Variants in FAM178B observed in about 807,000 individuals in gnomAD.
FAM178B encodes the protein protein FAM178B.
In FAM178B, 82 loss-of-function variants were observed where a neutral mutation model predicts 91.7. The ratio of observed to expected loss-of-function variants is 0.89; its 90% CI spans 0.75 to 1.07. The LOEUF is 1.07. FAM178B is among the 50% of genes least tolerant of loss of function. The pLI, the probability that FAM178B is intolerant of heterozygous loss-of-function variation, is 0.00. For missense variants in FAM178B, 769 were observed against 846.7 expected, an observed-to-expected ratio of 0.91 and a Z score of 1.14; for synonymous variants, 368 against 359.4, an observed-to-expected ratio of 1.02 and a Z score of -0.27.
At chr2:96,986,150 G>T in intron 1 of FAM178B, 91 bp downstream of exon 1, 2 of 1,523,560 alleles carry the variant, frequency 1.3e-6, no homozygotes, top group South Asian at 2.4e-5. Context: ...TGACCTGCAA[G>T]GCCTGGACCA....
chr2:96,954,279 G>A (rs2081968316), intron 6 of FAM178B, among the ~76,000 whole-genome samples: 1 of 152,250 alleles, frequency 6.6e-6, no homozygotes, highest in Non-Finnish European at 1.5e-5. Context: ...TGAGGAGGGA[G>A]CTGCTAATCC....
chr2:96,959,500 T>A (rs908202414), intron 6 of FAM178B, among the ~76,000 whole-genome samples: 29 of 152,192 alleles, frequency 1.9e-4, no homozygotes, highest in Admixed American at 1.7e-3. Flanking sequence ...AGCAAGACTC[T>A]GGCATTCAAG....
intron 14 of FAM178B, among the ~76,000 whole-genome samples, chr2:96,885,769 C>A (rs1400968370): frequency 6.6e-6 from 1 of 152,004 alleles, no homozygotes; most frequent in East Asian, 1.9e-4. Flanking sequence ...CCAGCTGGGA[C>A]CAGAGACCTT....
Position 96,878,447 on chromosome 2 carries a change from A to G in FAM178B, c.1823T>C (p.Val608Ala). ...HSLLMLAGVV[V>A]SCQDITPDQW... ...GTCTGGAGTGATGTCCTGGCAGCTAACAACTACCCCGGCCAGCATCAGCAA... is the reference window on the plus strand; with the variant it reads ...GTCTGGAGTGATGTCCTGGCAGCTAGCAACTACCCCGGCCAGCATCAGCAA... The change falls in exon 15 of 17, where the codon GTT (valine) becomes GCT (alanine). Residue 608 changes from valine to alanine, a missense_variant. Coordinates refer to ENST00000490605, the MANE Select transcript of FAM178B (RefSeq NM_001122646.3). 2 of 1,613,990 alleles carry G rather than the reference A, an allele frequency of 1.2e-6. No homozygotes were observed. The highest frequency in any genetic ancestry group is 1.7e-6 in the Non-Finnish European group (2 of 1,180,010).
intron 5 of FAM178B, among the ~76,000 whole-genome samples, chr2:96,965,157 G>A (rs1048207507): frequency 5.9e-5 from 9 of 151,634 alleles, no homozygotes; most frequent in Non-Finnish European, 1.0e-4. Context: ...GCGTCACCAC[G>A]CCCAGCTAAT....
chr2:96,986,543 G>C lies in FAM178B; in HGVS notation c.-230C>G. 2 of 526,654 alleles carry C rather than the reference G, an allele frequency of 3.8e-6. No homozygotes were observed. The highest frequency in any genetic ancestry group is 4.4e-5 in the South Asian group (2 of 45,664). The allele number at this position is 526,654 out of a possible 1,614,324, so 32.6% of individuals were successfully genotyped here. A position where few individuals can be genotyped will look rare whatever the true frequency, so the allele number is the denominator to read the frequency against. ...CAAACCAAGCGGCCAGCTCACAGCCGCCGCCGCCGCCAGCTGGGGAGCTCG... is the reference window on the plus strand; with the variant it reads ...CAAACCAAGCGGCCAGCTCACAGCCCCCGCCGCCGCCAGCTGGGGAGCTCG... On this transcript the variant is annotated 5_prime_UTR_variant, in exon 1 of 17. Transcript: ENST00000490605.
At chr2:96,902,832 G>C (rs1188167483) in intron 12 of FAM178B, 125 bp from the exon 13 acceptor site, 2 of 668,646 alleles carry the variant, frequency 3.0e-6, no homozygotes, top group Non-Finnish European at 5.6e-6. Flanking sequence ...CCCCAGCAAA[G>C]GGCTTTCTCC....
At chr2:96,902,451 C>T (rs1197484704) in intron 13 of FAM178B, among the ~76,000 whole-genome samples, 169 bp downstream of exon 13, 1 of 152,258 alleles carries the variant, frequency 6.6e-6, no homozygotes, top group Non-Finnish European at 1.5e-5. Context: ...GCTCTGTCCT[C>T]AGCGCCTAGC....
intron 10 of FAM178B, among the ~76,000 whole-genome samples, chr2:96,922,899 C>A (rs1251755528): frequency 2.6e-5 from 4 of 152,102 alleles, no homozygotes; most frequent in Non-Finnish European, 5.9e-5. Flanking sequence ...GTCTCGAACT[C>A]CTGACCTCAG....
chr2:96,930,425 C>T lies in FAM178B; in HGVS notation c.1079-1105G>A, dbSNP rs77250097. Among the ~76,000 whole-genome samples the T allele has an allele frequency of 5.3e-3, 814 of 152,204 alleles. 57 individuals are homozygous for T. In the East Asian group the frequency reaches 0.12, roughly 23 times the overall value. Reference sequence around the variant, plus strand: ...CCTCCTGCCCCATGTGTTCTCTGCACCGTGAGCTCCCACACCTCATCCAGG... The same window carrying T: ...CCTCCTGCCCCATGTGTTCTCTGCATCGTGAGCTCCCACACCTCATCCAGG... On this transcript the variant is annotated intron_variant, in intron 8 of 16. Transcript: ENST00000490605.
Position 96,986,458 on chromosome 2 carries a change from A to T in FAM178B, c.-145T>A. The T allele has an allele frequency of 1.1e-6, 1 of 947,434 alleles. No individual in the cohort carries two copies. Among genetic ancestry groups the T allele is most frequent in the Non-Finnish European group, 1.5e-6 (1 of 658,054 alleles). The allele number at this position is 947,434 out of a possible 1,614,324, so 58.7% of individuals were successfully genotyped here. The stretch of plus-strand genomic sequence containing the variant: ...GGAGGACCCCAAGAGTTGCGTCCCT[A>T]GATCCAGGGCCGCCAACGTGGAACC... On this transcript the variant is annotated 5_prime_UTR_variant, in exon 1 of 17. Transcript: ENST00000490605.
chr2:96,922,302 A>T (rs2081355119), intron 10 of FAM178B, among the ~76,000 whole-genome samples: 2 of 152,204 alleles, frequency 1.3e-5, no homozygotes, highest in South Asian at 4.1e-4. Flanking sequence ...TAAAAATACT[A>T]CACCAGCAGC....
chr2:96,936,112 G>A (rs1282005908), intron 8 of FAM178B, among the ~76,000 whole-genome samples: 1 of 152,004 alleles, frequency 6.6e-6, no homozygotes, highest in Non-Finnish European at 1.5e-5. Context: ...TTCTGATCAA[G>A]TTTTCTGTAA....
At chr2:96,904,519 G>A (rs1381665773) in intron 12 of FAM178B, among the ~76,000 whole-genome samples, 1 of 148,436 alleles carries the variant, frequency 6.7e-6, no homozygotes, top group East Asian at 2.0e-4. Context: ...CTACAGTCAC[G>A]CACGCGCCAC....
rs915125276 is a variant in FAM178B at position 96,960,285 on chromosome 2, T to C, written c.887+3A>G. The C allele has an allele frequency of 7.1e-6, 11 of 1,551,504 alleles. No individual in the cohort carries two copies. The highest frequency in any genetic ancestry group is 2.0e-5 in the Admixed American group (1 of 50,984). On this transcript the variant is annotated splice_donor_region_variant and intron_variant, in intron 6 of 16. Transcript: ENST00000490605. ...CCCCCTCACCCCTCCTCCCCACACTTACCTGAGGAACAGCCCTTCCAGGTG... is the reference window on the plus strand; with the variant it reads ...CCCCCTCACCCCTCCTCCCCACACTCACCTGAGGAACAGCCCTTCCAGGTG...
chr2:96,937,345 G>A (rs1224054843), intron 8 of FAM178B, among the ~76,000 whole-genome samples: 2 of 152,232 alleles, frequency 1.3e-5, no homozygotes, highest in East Asian at 3.8e-4. Context: ...ACACAGCCAA[G>A]TTTGGGCTCC....
At chr2:96,954,896 C>T (rs1295449689) in intron 6 of FAM178B, among the ~76,000 whole-genome samples, 2 of 152,022 alleles carry the variant, frequency 1.3e-5, no homozygotes, top group Non-Finnish European at 2.9e-5. Flanking sequence ...AAAAAAAATA[C>T]AAAACTTAGC....
chr2:96,957,781 C>A (rs930675768), intron 6 of FAM178B, among the ~76,000 whole-genome samples: 1 of 152,144 alleles, frequency 6.6e-6, no homozygotes, highest in Non-Finnish European at 1.5e-5. Flanking sequence ...TTATTAAATA[C>A]CTTTCCAACA....
intron 1 of FAM178B, among the ~76,000 whole-genome samples, chr2:96,982,004 T>A (rs1213323843): frequency 6.6e-6 from 1 of 151,832 alleles, no homozygotes; most frequent in East Asian, 1.9e-4. Flanking sequence ...GAGGTCAAGG[T>A]TGCAGTGAGC....
Sources: allele counts gnomAD v4.1 joint callset (sites outside exome capture counted in the v4.1 genomes callset), GRCh38; gene constraint gnomAD v4.1.1; transcripts MANE v1.5; gene names NCBI Gene and HGNC (gene_info 2026-07-23, HGNC 2026-07-21).